Variants in DOCK1 observed in about 807,000 individuals in gnomAD.
The protein encoded by DOCK1 is dedicator of cytokinesis protein 1.
In DOCK1, 138 loss-of-function variants were observed where a neutral mutation model predicts 262.7. The observed-to-expected ratio is 0.53, with a 90% CI of 0.46 to 0.61. The LOEUF (loss-of-function observed/expected upper bound fraction) is 0.61. Among genes scored for constraint, DOCK1 ranks in the 20% least tolerant of loss-of-function variants. The probability of loss-of-function intolerance (pLI) is 0.00; values close to 1 mark genes in which losing one functional copy is unlikely to be tolerated. For missense variants in DOCK1, 1,908 were observed against 2,370.7 expected, an observed-to-expected ratio of 0.80 and a Z score of 4.05; for synonymous variants, 866 against 867.4, an observed-to-expected ratio of 1.00 and a Z score of 0.03.
intron 3 of DOCK1, among the ~76,000 whole-genome samples, chr10:126,980,386 G>T (rs1296057492): frequency 6.6e-6 from 1 of 151,976 alleles, no homozygotes; most frequent in East Asian, 1.9e-4. Context: ...GGCAGTGAAA[G>T]GGTCTCACCA....
intron 31 of DOCK1, among the ~76,000 whole-genome samples, chr10:127,346,020 C>A (rs2063619006): frequency 6.6e-6 from 1 of 152,224 alleles, no homozygotes; most frequent in African/African-American, 2.4e-5. Context: ...CCCTTGTTGT[C>A]CCGTCCAGCA....
chr10:127,418,722 G>A (rs1004833763), intron 45 of DOCK1, among the ~76,000 whole-genome samples, 181 bp downstream of exon 45: 1 of 152,226 alleles, frequency 6.6e-6, no homozygotes. Flanking sequence ...CAAGGTCAAG[G>A]CCGGAGTCCC....
At chr10:127,335,351 A>G (rs1478868820) in intron 29 of DOCK1, among the ~76,000 whole-genome samples, 3 of 152,162 alleles carry the variant, frequency 2.0e-5, no homozygotes, top group Admixed American at 1.3e-4. Context: ...GCAAAGGACT[A>G]TGATCCTGCA....
chr10:127,034,066 C>T (rs536343492), intron 18 of DOCK1, among the ~76,000 whole-genome samples: 17 of 152,224 alleles, frequency 1.1e-4, no homozygotes, highest in African/African-American at 3.1e-4. Context: ...TCTATGCAGC[C>T]GTGCAGTGGG....
chr10:127,075,674 G>T (rs1342253649), intron 23 of DOCK1, among the ~76,000 whole-genome samples: 2 of 152,092 alleles, frequency 1.3e-5, no homozygotes, highest in Non-Finnish European at 2.9e-5. Flanking sequence ...AGCGGAGGGG[G>T]AAGTGACACA....
chr10:126,994,565 A>G (rs971381553), intron 6 of DOCK1, among the ~76,000 whole-genome samples: 1 of 152,232 alleles, frequency 6.6e-6, no homozygotes, highest in Non-Finnish European at 1.5e-5. Flanking sequence ...AACAAAGCAC[A>G]TCTTGCACCG....
intron 27 of DOCK1, among the ~76,000 whole-genome samples, chr10:127,161,248 T>C (rs1047759641): frequency 6.6e-6 from 1 of 152,252 alleles, no homozygotes; most frequent in Non-Finnish European, 1.5e-5. Flanking sequence ...AGCTGTTAAA[T>C]GCTAGAATTT....
intron 27 of DOCK1, among the ~76,000 whole-genome samples, chr10:127,128,543 C>T (rs188388389): frequency 4.7e-4 from 72 of 152,088 alleles, no homozygotes; most frequent in Non-Finnish European, 1.2e-4. Context: ...CTCCATTTGC[C>T]CCCCACTCCC....
At chr10:127,351,018 G>A (rs1047050195) in intron 31 of DOCK1, among the ~76,000 whole-genome samples, 2 of 152,162 alleles carry the variant, frequency 1.3e-5, no homozygotes, top group African/African-American at 2.4e-5. Flanking sequence ...AAATTGCCCG[G>A]TGTGCTTAGA....
In DOCK1 at chr10:127,175,861, G is replaced by C. The variant is rs935714014; in HGVS notation, c.2847+48097G>C. 3.7e-6 allele frequency: 6 copies of C among 1,614,134 alleles called. No individual in the cohort carries two copies. Among genetic ancestry groups the C allele is most frequent in the Non-Finnish European group, 3.4e-6 (4 of 1,180,026 alleles). On this transcript the variant is annotated intron_variant, in intron 27 of 51. Coordinates refer to ENST00000623213, the MANE Select transcript of DOCK1 (RefSeq NM_001290223.2). The surrounding 1 kb of genome is among the most constrained non-coding windows in gnomAD (Gnocchi z 6.3). ...GGCTGGTCCACTGTGTTCATGTGTT[G>C]GTTGGAATGGAAAACCAAGGCTGTG...
At chr10:126,929,562 A>C (rs1355335304) in intron 1 of DOCK1, among the ~76,000 whole-genome samples, 1 of 151,982 alleles carries the variant, frequency 6.6e-6, no homozygotes, top group Non-Finnish European at 1.5e-5. Context: ...AGGGAAGCAG[A>C]GGGAGAGCGG....
chr10:127,033,458 G>C (rs1270620768), intron 18 of DOCK1, among the ~76,000 whole-genome samples: 1 of 152,342 alleles, frequency 6.6e-6, no homozygotes, highest in East Asian at 1.9e-4. Context: ...ACTCCGTCTG[G>C]AAGAGGCAGA....
At chr10:127,338,967 G>A (rs376991067) in intron 29 of DOCK1, 39 bp from the exon 30 acceptor site, 94 of 1,521,806 alleles carry the variant, frequency 6.2e-5, no homozygotes, top group Non-Finnish European at 7.7e-5. Context: ...GTGCCAGAGC[G>A]TAAGTGTGTA....
rs1005870702 is a variant in DOCK1 at position 127,176,826 on chromosome 10, G to C, written c.2847+49062G>C. On this transcript the variant is annotated intron_variant, in intron 27 of 51. Coordinates refer to ENST00000623213, the MANE Select transcript of DOCK1 (RefSeq NM_001290223.2). The surrounding 1 kb of genome is among the most constrained non-coding windows in gnomAD (Gnocchi z 4.4). ...GTTTTGACTATTTTTTGAGGATGACGTCATTAATCTATTGCTGGAATCTGG... is the reference window on the plus strand; with the variant it reads ...GTTTTGACTATTTTTTGAGGATGACCTCATTAATCTATTGCTGGAATCTGG... 1 of 158,264 alleles carries C rather than the reference G, an allele frequency of 6.3e-6. No individual in the cohort carries two copies. The highest frequency in any genetic ancestry group is 1.4e-5 in the Non-Finnish European group (1 of 72,156). 9.8% of individuals were successfully genotyped at this position (158,264 alleles called of 1,614,324 possible). A position where few individuals can be genotyped will look rare whatever the true frequency, so the allele number is the denominator to read the frequency against.
intron 1 of DOCK1, among the ~76,000 whole-genome samples, chr10:126,910,155 A>C (rs1380740697): frequency 6.6e-6 from 1 of 152,266 alleles, no homozygotes; most frequent in African/African-American, 2.4e-5. Flanking sequence ...ATAGAAATGC[A>C]GGCATTTTCA....
intron 32 of DOCK1, among the ~76,000 whole-genome samples, chr10:127,358,120 A>C (rs1277111270): frequency 1.3e-5 from 2 of 152,186 alleles, no homozygotes; most frequent in African/African-American, 4.8e-5. Flanking sequence ...TTATCTGCTT[A>C]CAATTAATAA....
intron 10 of DOCK1, 84 bp downstream of exon 10, chr10:127,000,391 C>T: frequency 6.6e-7 from 1 of 1,514,450 alleles, no homozygotes; most frequent in South Asian, 1.3e-5. Flanking sequence ...GTTGATTGGA[C>T]AATGCACAGC....
chr10:127,068,708 C>T (rs1006245392), intron 23 of DOCK1, among the ~76,000 whole-genome samples: 1 of 152,130 alleles, frequency 6.6e-6, no homozygotes, highest in Non-Finnish European at 1.5e-5. Flanking sequence ...TTAGCATTAT[C>T]CTATATATAT....
chr10:127,084,341 C>T (rs2047074321), intron 23 of DOCK1, among the ~76,000 whole-genome samples: 1 of 152,198 alleles, frequency 6.6e-6, no homozygotes, highest in South Asian at 2.1e-4. Context: ...TTCAAAGACC[C>T]TCTCTCACCA....
Sources: allele counts gnomAD v4.1 joint callset (sites outside exome capture counted in the v4.1 genomes callset), GRCh38; gene constraint gnomAD v4.1.1; non-coding constraint Gnocchi (gnomAD v3.1); transcripts MANE v1.5; gene names NCBI Gene and HGNC (gene_info 2026-07-23, HGNC 2026-07-21).